Variants in DAZAP1 observed in about 807,000 individuals in gnomAD.
The protein encoded by DAZAP1 is DAZ associated protein 1.
In DAZAP1, 6 loss-of-function variants were observed where a neutral mutation model predicts 60.1. The observed-to-expected ratio is 0.10, with a 90% CI of 0.05 to 0.20. The LOEUF (loss-of-function observed/expected upper bound fraction) is 0.20. Ranked by LOEUF, DAZAP1 falls within the 10% of genes least tolerant of loss-of-function variation. The pLI is 1.00. For synonymous variants in DAZAP1, 235 were observed against 215.9 expected (o/e 1.09, Z -0.78); for missense variants, 366 against 560.4 (o/e 0.65, Z 3.50).
rs2083410026 is a variant in DAZAP1, at chr19:1,430,213, G to A, written c.731-9G>A. The A allele has an allele frequency of 6.3e-7, 1 of 1,588,132 alleles. No homozygotes were observed. The highest frequency in any genetic ancestry group is 1.3e-5 in the African/African-American group (1 of 74,230). ...TCTCTGTCCATCACCCCCGTACTGTGTGTTTCAGGTGGCTATGGACCGCCC... is the reference window on the plus strand; with the variant it reads ...TCTCTGTCCATCACCCCCGTACTGTATGTTTCAGGTGGCTATGGACCGCCC... On this transcript the variant is annotated splice_polypyrimidine_tract_variant and intron_variant, in intron 9 of 11. Coordinates refer to ENST00000233078, the MANE Select transcript of DAZAP1 (RefSeq NM_018959.4).
chr19:1,412,783 G>T (rs1194083534), intron 1 of DAZAP1, among the ~76,000 whole-genome samples: 1 of 152,238 alleles, frequency 6.6e-6, no homozygotes, highest in African/African-American at 2.4e-5. Context: ...GCCGGCCACC[G>T]TGGATTGAGC....
At chr19:1,409,783 T>C (rs1475900334) in intron 1 of DAZAP1, 3 of 152,260 alleles carry the variant, frequency 2.0e-5, no homozygotes, top group Non-Finnish European at 4.4e-5. Flanking sequence ...TGAGCTTGGA[T>C]GGAAGCAGGC....
Position 1,422,245 on chromosome 19 carries a change from A to G in DAZAP1, c.415-103A>G, listed in dbSNP as rs113227986. 67 of 1,059,424 alleles carry G rather than the reference A, an allele frequency of 6.3e-5. 1 individual carries two copies. In the African/African-American group the frequency reaches 7.9e-4, roughly 12 times the overall value. 65.6% of individuals were successfully genotyped at this position (1,059,424 alleles called of 1,614,324 possible). ...CACCTCCCCCGCTCAGGGAGGGCGC[A>G]CCCTGTGCGAGAGTTTGGGTTCGTG... is the stretch of plus-strand genomic sequence containing the variant. On this transcript the variant is annotated intron_variant, in intron 5 of 11. Transcript: ENST00000233078. This position sits in a 1 kb window ranked among gnomAD's most constrained non-coding sequence, Gnocchi z 4.5.
chr19:1,432,396 G>T lies in DAZAP1; in HGVS notation c.872-118G>T, dbSNP rs939542002. Reference sequence around the variant, plus strand: ...GATGTCCACAAGGCCTGGGCGTTCTGTGGGTTTGGGTGGCAGTCCCGTCTG... The same window carrying T: ...GATGTCCACAAGGCCTGGGCGTTCTTTGGGTTTGGGTGGCAGTCCCGTCTG... On this transcript the variant is annotated intron_variant, in intron 10 of 11. Transcript: ENST00000233078. This position sits in a 1 kb window ranked among gnomAD's most constrained non-coding sequence, Gnocchi z 4.9. 31 of 1,061,176 alleles carry T rather than the reference G, an allele frequency of 2.9e-5. No individual in the cohort carries two copies. Among genetic ancestry groups the T allele is most frequent in the Middle Eastern group, 2.0e-4 (1 of 4,938 alleles). The allele number at this position is 1,061,176 out of a possible 1,614,324, so 65.7% of individuals were successfully genotyped here. A position where few individuals can be genotyped will look rare whatever the true frequency, so the allele number is the denominator to read the frequency against.
In DAZAP1 at chr19:1,434,460, G is replaced by A. The variant is rs1024443663; in HGVS notation, c.1049-277G>A. On this transcript the variant is annotated intron_variant, in intron 11 of 11. Coordinates refer to ENST00000233078, the MANE Select transcript of DAZAP1 (RefSeq NM_018959.4). The surrounding 1 kb of genome is among the most constrained non-coding windows in gnomAD (Gnocchi z 8.0). ...CCCTCACCCCCCCAACCACGTCTTCGGGATTGAACAGGGAAGCGGTGAGGT... is the reference window on the plus strand; with the variant it reads ...CCCTCACCCCCCCAACCACGTCTTCAGGATTGAACAGGGAAGCGGTGAGGT... 4 of 388,356 alleles carry A rather than the reference G, an allele frequency of 1.0e-5. No homozygotes were observed. Among genetic ancestry groups the A allele is most frequent in the Admixed American group, 4.4e-5 (1 of 22,828 alleles). 24.1% of individuals were successfully genotyped at this position (388,356 alleles called of 1,614,324 possible). A position where few individuals can be genotyped will look rare whatever the true frequency, so the allele number is the denominator to read the frequency against.
In DAZAP1 at chr19:1,433,765, C is replaced by T; in HGVS notation, c.1049-972C>T. On this transcript the variant is annotated intron_variant, in intron 11 of 11. Coordinates refer to ENST00000233078, the MANE Select transcript of DAZAP1 (RefSeq NM_018959.4). The surrounding 1 kb of genome is among the most constrained non-coding windows in gnomAD (Gnocchi z 6.1). ...CCTGGGTTCCTATTCTCCAGCCCCG[C>T]CGGGCTGCGGCCCACACTTTGTTTA... is the stretch of plus-strand genomic sequence containing the variant. The T allele has an allele frequency of 6.2e-7, 1 of 1,613,980 alleles. No homozygotes were observed.
intron 1 of DAZAP1, among the ~76,000 whole-genome samples, chr19:1,408,003 C>T (rs943119234): frequency 6.6e-6 from 1 of 151,852 alleles, no homozygotes; most frequent in Non-Finnish European, 1.5e-5. Context: ...CCTGGCGCCC[C>T]CGCCGCCGCT....
chr19:1,414,608 C>T (rs546944756), intron 1 of DAZAP1, among the ~76,000 whole-genome samples: 2 of 151,632 alleles, frequency 1.3e-5, no homozygotes, highest in Admixed American at 6.6e-5. Flanking sequence ...AGCTGGCGGG[C>T]GCCTGTAGTC....
chr19:1,407,969 C>T (rs548187930), intron 1 of DAZAP1, among the ~76,000 whole-genome samples, 167 bp downstream of exon 1: 3 of 151,394 alleles, frequency 2.0e-5, no homozygotes, highest in Admixed American at 2.0e-4. Context: ...GGGCCCTGGA[C>T]GGGTGCCCGG....
Position 1,432,736 on chromosome 19 carries a change from C to T in DAZAP1, c.1048+46C>T, listed in dbSNP as rs371466620. 5 of 1,530,494 alleles carry T rather than the reference C, an allele frequency of 3.3e-6. No individual in the cohort carries two copies. The African/African-American group carries it at 5.5e-5, about 17-fold the overall frequency. The allele number at this position is 1,530,494 out of a possible 1,614,324, so 94.8% of individuals were successfully genotyped here. Reference sequence around the variant, plus strand: ...CCGCGTCCCCGCTGGCCCCAGGACCCTGGGCACGGCCTGCCTTCTTCTGCT... The same window carrying T: ...CCGCGTCCCCGCTGGCCCCAGGACCTTGGGCACGGCCTGCCTTCTTCTGCT... On this transcript the variant is annotated intron_variant, in intron 11 of 11. Coordinates refer to ENST00000233078, the MANE Select transcript of DAZAP1 (RefSeq NM_018959.4). This position sits in a 1 kb window ranked among gnomAD's most constrained non-coding sequence, Gnocchi z 4.9.
At position 1,434,449 on chromosome 19, in the gene DAZAP1, A is replaced by G. The variant is rs559889078; in HGVS notation, c.1049-288A>G. The G allele has an allele frequency of 3.3e-5, 12 of 366,874 alleles. No individual in the cohort carries two copies. Among genetic ancestry groups the G allele is most frequent in the South Asian group, 3.0e-4 (8 of 26,652 alleles). 22.7% of individuals were successfully genotyped at this position (366,874 alleles called of 1,614,324 possible). A position where few individuals can be genotyped will look rare whatever the true frequency, so the allele number is the denominator to read the frequency against. ...TTCTCTACCTCCCCTCACCCCCCCAACCACGTCTTCGGGATTGAACAGGGA... is the reference window on the plus strand; with the variant it reads ...TTCTCTACCTCCCCTCACCCCCCCAGCCACGTCTTCGGGATTGAACAGGGA... On this transcript the variant is annotated intron_variant, in intron 11 of 11. Transcript: ENST00000233078. This position sits in a 1 kb window ranked among gnomAD's most constrained non-coding sequence, Gnocchi z 8.0.
Position 1,418,389 on chromosome 19 carries a change from G to T in DAZAP1, c.237+19G>T. 1 of 1,607,376 alleles carries T rather than the reference G, an allele frequency of 6.2e-7. No individual in the cohort carries two copies. Among genetic ancestry groups the T allele is most frequent in the Non-Finnish European group, 8.5e-7 (1 of 1,175,224 alleles). On this transcript the variant is annotated intron_variant, in intron 3 of 11. Transcript: ENST00000233078. This position sits in a 1 kb window ranked among gnomAD's most constrained non-coding sequence, Gnocchi z 5.7. ...CCGAAACGTAAGTGCCCTTCCGGGAGCTCACACCCGCTCTCTGTCTCCCCT... is the reference window on the plus strand; with the variant it reads ...CCGAAACGTAAGTGCCCTTCCGGGATCTCACACCCGCTCTCTGTCTCCCCT...
rs1012829867 is a variant in DAZAP1, at chr19:1,432,785, A to C, written c.1048+95A>C. ...CTTCCTCCCCTGCTGGACGCTCCCC[A>C]GCCTTTACCTGGTGGGAAAGGGGAG... On this transcript the variant is annotated intron_variant, in intron 11 of 11. Coordinates refer to ENST00000233078, the MANE Select transcript of DAZAP1 (RefSeq NM_018959.4). The surrounding 1 kb of genome is among the most constrained non-coding windows in gnomAD (Gnocchi z 4.9). The C allele has an allele frequency of 4.0e-5, 56 of 1,387,760 alleles. No homozygotes were observed. Among genetic ancestry groups the C allele is most frequent in the Non-Finnish European group, 5.1e-5 (52 of 1,020,580 alleles). 86.0% of individuals were successfully genotyped at this position (1,387,760 alleles called of 1,614,324 possible).
Position 1,422,538 on chromosome 19 carries a change from C to T in DAZAP1, c.463+142C>T, listed in dbSNP as rs570295246. ...ACGATTTGGAGACAAATGACTAAAA[C>T]GTGGGCTCCTCATGTGCACCCCATT... On this transcript the variant is annotated intron_variant, in intron 6 of 11. Transcript: ENST00000233078. This position sits in a 1 kb window ranked among gnomAD's most constrained non-coding sequence, Gnocchi z 4.5. 2.4e-5 allele frequency: 17 copies of T among 703,824 alleles called. No homozygotes were observed. The highest frequency in any genetic ancestry group is 5.3e-5 in the South Asian group (3 of 56,968). The allele number at this position is 703,824 out of a possible 1,614,324, so 43.6% of individuals were successfully genotyped here. A position where few individuals can be genotyped will look rare whatever the true frequency, so the allele number is the denominator to read the frequency against.
At chr19:1,411,389 G>C (rs1043479287) in intron 1 of DAZAP1, among the ~76,000 whole-genome samples, 26 of 152,226 alleles carry the variant, frequency 1.7e-4, no homozygotes, top group Non-Finnish European at 4.4e-5. Context: ...CCAGTGTCCT[G>C]CTGGGGGGAG....
chr19:1,429,362 G>C (rs1445413329), intron 8 of DAZAP1, among the ~76,000 whole-genome samples: 1 of 152,186 alleles, frequency 6.6e-6, no homozygotes, highest in African/African-American at 2.4e-5. Context: ...GCTGCCCCTG[G>C]GGGGCTTGAG....
chr19:1,421,336 G>C, intron 5 of DAZAP1, 78 bp downstream of exon 5: 11 of 1,323,170 alleles, frequency 8.3e-6, no homozygotes, highest in Non-Finnish European at 1.2e-5. Flanking sequence ...TGGGGCTGGA[G>C]TGGCCGAGCC....
Position 1,425,707 on chromosome 19 carries a change from C to T in DAZAP1, c.464-171C>T, listed in dbSNP as rs1412403165. Among the ~76,000 whole-genome samples the T allele has an allele frequency of 2.0e-5, 3 of 152,180 alleles. No homozygotes were observed. Among genetic ancestry groups the T allele is most frequent in the African/African-American group, 4.8e-5 (2 of 41,426 alleles). On this transcript the variant is annotated intron_variant, in intron 6 of 11. Coordinates refer to ENST00000233078, the MANE Select transcript of DAZAP1 (RefSeq NM_018959.4). The surrounding 1 kb of genome is among the most constrained non-coding windows in gnomAD (Gnocchi z 5.4). ...ACCGTCTGTCCACTCCGTGTGCAGT[C>T]GAGTGGTGGCTCCTGGGGAGGGAGG...
chr19:1,408,121 G>C (rs888804446), intron 1 of DAZAP1, among the ~76,000 whole-genome samples: 1 of 151,552 alleles, frequency 6.6e-6, no homozygotes, highest in Non-Finnish European at 1.5e-5. Flanking sequence ...CGGCAACCTG[G>C]GGGGGTGTCC....
Sources: allele counts gnomAD v4.1 joint callset (sites outside exome capture counted in the v4.1 genomes callset), GRCh38; gene constraint gnomAD v4.1.1; non-coding constraint Gnocchi (gnomAD v3.1); transcripts MANE v1.5; gene names NCBI Gene and HGNC (gene_info 2026-07-23, HGNC 2026-07-21).